PI4KA: variants seen among roughly 807,000 people sequenced by gnomAD.
PI4KA encodes the protein phosphatidylinositol 4-kinase alpha.
Under a neutral mutation model 271.4 loss-of-function variants are expected in PI4KA, and 122 were observed. The observed-to-expected ratio is 0.45, with a 90% CI of 0.39 to 0.52. PI4KA has a LOEUF of 0.52. Among genes scored for constraint, PI4KA ranks in the 20% least tolerant of loss-of-function variants. The pLI is 0.00. For synonymous variants in PI4KA, 1,041 were observed against 1,078.8 expected (o/e 0.96, Z 0.69); for missense variants, 1,969 against 2,769.1 (o/e 0.71, Z 6.48).
Position 20,796,161 on chromosome 22 carries a change from C to G in PI4KA, c.2262G>C (p.Lys754Asn), listed in dbSNP as rs1473403038. 1.2e-6 allele frequency: 2 copies of G among 1,613,566 alleles called. No homozygotes were observed. The highest frequency in any genetic ancestry group is 1.3e-5 in the African/African-American group (1 of 75,026). The change falls in exon 18 of 55, where the codon AAG (lysine) becomes AAC (asparagine). Residue 754 changes from lysine to asparagine, a missense_variant. Transcript: ENST00000255882. ...GKRASERASE[K>N]GPALKASSSA... ...TCCTTCCTACCTTTAGGGCAGGGCC[C>G]TTCTCGCTTGCCCTCTCGCTGGCTC...
At chr22:20,848,781 G>C (rs1031623891) in intron 1 of PI4KA, among the ~76,000 whole-genome samples, 4 of 151,438 alleles carry the variant, frequency 2.6e-5, no homozygotes, top group Non-Finnish European at 4.4e-5. Flanking sequence ...TTAGACAGTG[G>C]TTTCTTAGAT....
intron 3 of PI4KA, among the ~76,000 whole-genome samples, chr22:20,832,265 C>A (rs182218776): frequency 1.3e-5 from 2 of 149,726 alleles, no homozygotes; most frequent in East Asian, 2.0e-4. Context: ...TACAGGCGTG[C>A]GCCACCACAC....
intron 1 of PI4KA, among the ~76,000 whole-genome samples, chr22:20,846,876 G>A (rs989872978): frequency 2.8e-5 from 4 of 145,420 alleles, no homozygotes; most frequent in East Asian, 2.0e-4. Flanking sequence ...GGCCAGGTGC[G>A]GTGGCTCATG....
At chr22:20,784,396 A>G in intron 19 of PI4KA, 1 of 1,098,884 alleles carries the variant, frequency 9.1e-7, no homozygotes, top group South Asian at 1.4e-5. Context: ...TTCAGCCCCA[A>G]TTTGTTGCTT....
chr22:20,822,024 C>T (rs1438660571), intron 4 of PI4KA, among the ~76,000 whole-genome samples: 1 of 152,122 alleles, frequency 6.6e-6, no homozygotes, highest in African/African-American at 2.4e-5. Context: ...GTGGTGCGTG[C>T]CTGTGGTCAG....
chr22:20,834,395 C>T (rs1433814746), intron 3 of PI4KA, among the ~76,000 whole-genome samples, 167 bp downstream of exon 3: 1 of 152,174 alleles, frequency 6.6e-6, no homozygotes, highest in Non-Finnish European at 1.5e-5. Context: ...TGGGCTGTGG[C>T]CAACACATGG....
chr22:20,802,531 A>G (rs1459279134), intron 13 of PI4KA, among the ~76,000 whole-genome samples: 1 of 152,050 alleles, frequency 6.6e-6, no homozygotes, highest in Non-Finnish European at 1.5e-5. Flanking sequence ...GGTTCAGGGA[A>G]GTCTTGTTTT....
At chr22:20,769,611 G>C (rs1011278255) in intron 19 of PI4KA, among the ~76,000 whole-genome samples, 8 of 151,532 alleles carry the variant, frequency 5.3e-5, no homozygotes, top group Non-Finnish European at 1.0e-4. Context: ...CGAGGTTGCA[G>C]TGAGCCAAGA....
At chr22:20,785,534 C>T (rs1430420402) in intron 19 of PI4KA, among the ~76,000 whole-genome samples, 2 of 152,174 alleles carry the variant, frequency 1.3e-5, no homozygotes, top group Admixed American at 1.3e-4. Flanking sequence ...TTGCTATCCG[C>T]CCCCTTAGGG....
intron 34 of PI4KA, 25 bp from the exon 35 acceptor site, chr22:20,733,868 T>G: frequency 6.2e-7 from 1 of 1,611,968 alleles, no homozygotes; most frequent in South Asian, 1.1e-5. Flanking sequence ...CGGACCCAGT[T>G]AGAGCAGGAG....
rs1419901116 is a variant in PI4KA, at chr22:20,734,583, C to A, written c.3742-30G>T. Reference sequence around the variant, plus strand: ...AGGTACAGAAGGAATGTTAGCTCCTCTGTGAAACACAAAAAGGGGCTACTG... The same window carrying A: ...AGGTACAGAAGGAATGTTAGCTCCTATGTGAAACACAAAAAGGGGCTACTG... On this transcript the variant is annotated intron_variant, in intron 32 of 54. Coordinates refer to ENST00000255882, the MANE Select transcript of PI4KA (RefSeq NM_058004.4). 3 of 1,598,662 alleles carry A rather than the reference C, an allele frequency of 1.9e-6. No individual in the cohort carries two copies. In the African/African-American group the frequency reaches 4.1e-5, roughly 22 times the overall value.
intron 23 of PI4KA, among the ~76,000 whole-genome samples, chr22:20,759,845 G>A (rs573246002): frequency 6.6e-6 from 1 of 152,186 alleles, no homozygotes; most frequent in African/African-American, 2.4e-5. Context: ...GATTACAAGT[G>A]TGAGTCACCG....
At chr22:20,754,670 C>T (rs1931079495) in intron 23 of PI4KA, among the ~76,000 whole-genome samples, 1 of 152,130 alleles carries the variant, frequency 6.6e-6, no homozygotes, top group Non-Finnish European at 1.5e-5. Flanking sequence ...AAAATGTTGG[C>T]CAGGCATGGT....
chr22:20,841,522 G>C (rs1264654335), intron 1 of PI4KA, among the ~76,000 whole-genome samples: 1 of 152,132 alleles, frequency 6.6e-6, no homozygotes, highest in Non-Finnish European at 1.5e-5. Flanking sequence ...TTAAAAGCCA[G>C]GCATAGCTTT....
intron 23 of PI4KA, among the ~76,000 whole-genome samples, chr22:20,753,522 G>A (rs1445447185): frequency 6.6e-6 from 1 of 152,110 alleles, no homozygotes; most frequent in African/African-American, 2.4e-5. Flanking sequence ...TCCAATATGT[G>A]GTGACTCCTC....
At chr22:20,746,067 T>A (rs1930045279) in intron 29 of PI4KA, among the ~76,000 whole-genome samples, 1 of 140,854 alleles carries the variant, frequency 7.1e-6, no homozygotes, top group African/African-American at 2.7e-5. Flanking sequence ...AAGAATTTTT[T>A]TTTTTTTTTT....
rs779788297 is a variant in PI4KA, at chr22:20,765,253, A to G, written c.2438-17T>C. 4.1e-5 allele frequency: 65 copies of G among 1,587,168 alleles called. No homozygotes were observed. Among genetic ancestry groups the G allele is most frequent in the Non-Finnish European group, 5.3e-5 (62 of 1,163,506 alleles). On this transcript the variant is annotated splice_polypyrimidine_tract_variant and intron_variant, in intron 20 of 54. Coordinates refer to ENST00000255882, the MANE Select transcript of PI4KA (RefSeq NM_058004.4). ...GCCAGAGTCCTGCAATAAAGTGAAC[A>G]TAAATGAGGAAATCACCTTGGTCGG...
rs538327544 is a variant in PI4KA at position 20,780,775 on chromosome 22, C to CAAAAAAAAAAAAAAAAAAAAAAAAA, written c.2328+12417_2328+12418insTTTTTTTTTTTTTTTTTTTTTTTTT. 1.1e-3 allele frequency among the ~76,000 whole-genome samples: 74 copies of CAAAAAAAAAAAAAAAAAAAAAAAAA among 67,630 alleles called. 3 individuals carry two copies. Among genetic ancestry groups the CAAAAAAAAAAAAAAAAAAAAAAAAA allele is most frequent in the African/African-American group, 1.6e-3 (25 of 15,180 alleles). 44.4% of individuals were successfully genotyped at this position (67,630 alleles called of 152,430 possible). A position where few individuals can be genotyped will look rare whatever the true frequency, so the allele number is the denominator to read the frequency against. On this transcript the variant is annotated intron_variant, in intron 19 of 54. Coordinates refer to ENST00000255882, the MANE Select transcript of PI4KA (RefSeq NM_058004.4). ...TGGACGACAGAGTGAGACTCCATCT[C>CAAAAAAAAAAAAAAAAAAAAAAAAA]AAAAAAAAAAAAAAAAGAAGTAAAA...
chr22:20,833,043 C>T (rs983042259), intron 3 of PI4KA, among the ~76,000 whole-genome samples: 1 of 152,136 alleles, frequency 6.6e-6, no homozygotes, highest in Non-Finnish European at 1.5e-5. Flanking sequence ...TTTGAAGCTG[C>T]TGTCCTTTGG....
Sources: gnomAD v4.1 joint callset for allele counts (sites outside exome capture counted in the v4.1 genomes callset) on GRCh38, gnomAD v4.1.1 for gene constraint, MANE v1.5 for transcripts, NCBI Gene and HGNC (gene_info 2026-07-23, HGNC 2026-07-21) for gene names.